CD58: variants seen among roughly 807,000 people sequenced by gnomAD.
The protein encoded by CD58 is lymphocyte function-associated antigen 3.
A neutral mutation model predicts 27.6 loss-of-function variants in CD58; 14 were observed. That is an observed-to-expected ratio of 0.51 (90% CI 0.34 to 0.79). CD58 has a LOEUF of 0.79. Among genes scored for constraint, CD58 ranks in the 30% least tolerant of loss-of-function variants. The probability of loss-of-function intolerance (pLI) is 0.02; values close to 1 mark genes in which losing one functional copy is unlikely to be tolerated. For missense variants in CD58, 268 were observed against 301.7 expected (o/e 0.89, Z 0.83); for synonymous variants, 117 against 103.8 (o/e 1.13, Z -0.77).
intron 1 of CD58, among the ~76,000 whole-genome samples, chr1:116,547,576 G>A (rs541574890): frequency 3.3e-5 from 5 of 151,860 alleles, no homozygotes; most frequent in Non-Finnish European, 5.9e-5. Context: ...TGATCTGCCC[G>A]CCTTGGCCTC....
chr1:116,521,483 C>A lies in CD58; in HGVS notation c.706+423G>T, dbSNP rs897693871. On this transcript the variant is annotated intron_variant, in intron 4 of 5. Coordinates refer to ENST00000369489, the MANE Select transcript of CD58 (RefSeq NM_001779.3). This position sits in a 1 kb window ranked among gnomAD's most constrained non-coding sequence, Gnocchi z 5.6. The stretch of plus-strand genomic sequence containing the variant: ...AATACAAGCACAATTACTTGTATTA[C>A]GTAAGTCACTTAACTCAACCAAAAC... Among the ~76,000 whole-genome samples the A allele has an allele frequency of 6.6e-6, 1 of 152,148 alleles. No homozygotes were observed. The highest frequency in any genetic ancestry group is 6.5e-5 in the Admixed American group (1 of 15,278).
Position 116,570,877 on chromosome 1 carries a change from G to T in CD58, c.70+26C>A. 6.5e-7 allele frequency: 1 copy of T among 1,534,488 alleles called. No homozygotes were observed. ...TGCCCAGTACCCGCCGGCCGGCGCGGGGCCCCTGGGGCAGGCTTCACTCAC... is the reference window on the plus strand; with the variant it reads ...TGCCCAGTACCCGCCGGCCGGCGCGTGGCCCCTGGGGCAGGCTTCACTCAC... On this transcript the variant is annotated intron_variant, in intron 1 of 5. Transcript: ENST00000369489. The surrounding 1 kb of genome is among the most constrained non-coding windows in gnomAD (Gnocchi z 6.4).
chr1:116,540,455 T>C (rs1657954512), intron 2 of CD58, among the ~76,000 whole-genome samples: 1 of 152,194 alleles, frequency 6.6e-6, no homozygotes, highest in African/African-American at 2.4e-5. Context: ...TGCAGACTCT[T>C]TCTTGGACCC....
At chr1:116,530,209 CTT>C (rs113109056) in intron 3 of CD58, among the ~76,000 whole-genome samples, 15 of 143,378 alleles carry the variant, frequency 1.0e-4, no homozygotes, top group Non-Finnish European at 1.4e-4. Flanking sequence ...TCTCCTCATT[CTT>C]TTTTTTTTTT....
Position 116,521,638 on chromosome 1 carries a change from GGTAAA to G in CD58, c.706+263_706+267del. On this transcript the variant is annotated intron_variant, in intron 4 of 5. Transcript: ENST00000369489. This position sits in a 1 kb window ranked among gnomAD's most constrained non-coding sequence, Gnocchi z 5.6. The stretch of plus-strand genomic sequence containing the variant: ...TAACTATATTTTGAAGCAGATCACA[GGTAAA>G]AGGAGGCTATGCAACAGGTCCAGGC... The G allele has an allele frequency of 3.3e-6, 1 of 305,828 alleles. No homozygotes were observed. The highest frequency in any genetic ancestry group is 6.2e-6 in the Non-Finnish European group (1 of 161,438). The allele number at this position is 305,828 out of a possible 1,614,324, so 18.9% of individuals were successfully genotyped here.
chr1:116,521,879 C>T lies in CD58; in HGVS notation c.706+27G>A. 8.3e-7 allele frequency: 1 copy of T among 1,208,568 alleles called. No homozygotes were observed. The highest frequency in any genetic ancestry group is 1.2e-6 in the Non-Finnish European group (1 of 823,434). The allele number at this position is 1,208,568 out of a possible 1,614,324, so 74.9% of individuals were successfully genotyped here. ...TTGGAAAACAATGCAAGTTTTCAAACTATTTTGTTTTAAAAAGCATACATA... is the reference window on the plus strand; with the variant it reads ...TTGGAAAACAATGCAAGTTTTCAAATTATTTTGTTTTAAAAAGCATACATA... On this transcript the variant is annotated intron_variant, in intron 4 of 5. Coordinates refer to ENST00000369489, the MANE Select transcript of CD58 (RefSeq NM_001779.3). This position sits in a 1 kb window ranked among gnomAD's most constrained non-coding sequence, Gnocchi z 5.6.
chr1:116,535,995 T>C lies in CD58; in HGVS notation c.598A>G (p.Ile200Val). The change falls in exon 3 of 6, where the codon ATC becomes GTC. Residue 200 changes from isoleucine (I) to valine (V), a missense_variant. Transcript: ENST00000369489. ...SNPLFNTTSS[I>V]ILTTCIPSSG... ...CTTGGGATACAGGTTGTCAAAATGA[T>C]TGATGATGTTGTATTAAATAATGGA... 6.2e-7 allele frequency: 1 copy of C among 1,611,424 alleles called. No individual in the cohort carries two copies. The highest frequency in any genetic ancestry group is 1.3e-5 in the African/African-American group (1 of 75,018).
chr1:116,564,260 T>G (rs1658860447), intron 1 of CD58, among the ~76,000 whole-genome samples: 1 of 152,220 alleles, frequency 6.6e-6, no homozygotes, highest in Non-Finnish European at 1.5e-5. Flanking sequence ...CATCTCCATC[T>G]GAGATGAGCA....
intron 3 of CD58, chr1:116,533,203 G>A (rs1453583290): frequency 2.6e-6 from 2 of 762,168 alleles, no homozygotes; most frequent in Non-Finnish European, 4.8e-6. Flanking sequence ...GATGCTTTCA[G>A]TGGATTGAAG....
chr1:116,565,701 T>A (rs1658906548), intron 1 of CD58, among the ~76,000 whole-genome samples: 1 of 151,040 alleles, frequency 6.6e-6, no homozygotes. Context: ...TCCAAATAAC[T>A]TTTTTTTGTT....
intron 4 of CD58, among the ~76,000 whole-genome samples, chr1:116,520,123 T>A (rs1477223281): frequency 6.6e-6 from 1 of 152,120 alleles, no homozygotes; most frequent in East Asian, 1.9e-4. Flanking sequence ...GCTTGCTGAG[T>A]TTTTTTGTTT....
Position 116,552,422 on chromosome 1 carries a change from CAG to C in CD58, c.71-7820_71-7819del, listed in dbSNP as rs1658423440. Among the ~76,000 whole-genome samples the C allele has an allele frequency of 6.6e-6, 1 of 152,118 alleles. No individual in the cohort carries two copies. The highest frequency in any genetic ancestry group is 1.9e-4 in the East Asian group (1 of 5,200). ...TATTGTGGGAATTACTAAAATGTAACAGAGAGACAAAACATAAAGTTAGGCAC... is the reference window on the plus strand; with the variant it reads ...TATTGTGGGAATTACTAAAATGTAACAGAGACAAAACATAAAGTTAGGCAC... On this transcript the variant is annotated intron_variant, in intron 1 of 5. Transcript: ENST00000369489. This position sits in a 1 kb window ranked among gnomAD's most constrained non-coding sequence, Gnocchi z 4.5.
intron 2 of CD58, among the ~76,000 whole-genome samples, chr1:116,539,455 G>A (rs1379027389): frequency 6.6e-6 from 1 of 152,036 alleles, no homozygotes; most frequent in Non-Finnish European, 1.5e-5. Flanking sequence ...GCTGTATCAG[G>A]TCACTGTAAA....
At chr1:116,560,027 C>T (rs1414273) in intron 1 of CD58, 42,240 of 153,698 alleles carry the variant, frequency 0.27, 8,226 homozygotes, top group East Asian at 0.59. Flanking sequence ...GTAGTAACTA[C>T]TAGGTTAGTG....
In CD58 at chr1:116,523,913, G is replaced by A. The variant is rs1478456655; in HGVS notation, c.629-1930C>T. On this transcript the variant is annotated intron_variant, in intron 3 of 5. Transcript: ENST00000369489. The surrounding 1 kb of genome is among the most constrained non-coding windows in gnomAD (Gnocchi z 4.4). ...CAAGCATTCTCTAGAGATGACCAGT[G>A]AGTTTTTAAATTTGTTTTTAGTACA... Among the ~76,000 whole-genome samples, 2 of 152,194 alleles carry A rather than the reference G, an allele frequency of 1.3e-5. No individual in the cohort carries two copies. Among genetic ancestry groups the A allele is most frequent in the Non-Finnish European group, 2.9e-5 (2 of 68,032 alleles).
intron 1 of CD58, among the ~76,000 whole-genome samples, chr1:116,554,061 A>G (rs1172385538): frequency 6.6e-6 from 1 of 152,212 alleles, no homozygotes; most frequent in Admixed American, 6.5e-5. Context: ...CATGCATACA[A>G]TTTATTTTTG....
intron 1 of CD58, among the ~76,000 whole-genome samples, chr1:116,567,600 T>C (rs1428407370): frequency 1.3e-5 from 2 of 152,170 alleles, no homozygotes; most frequent in Admixed American, 6.5e-5. Flanking sequence ...ATAGCACCCC[T>C]GTACTCCAGC....
chr1:116,544,198 C>T (rs1658078834), intron 2 of CD58, 113 bp downstream of exon 2: 1 of 704,868 alleles, frequency 1.4e-6, no homozygotes, highest in Admixed American at 3.0e-5. Flanking sequence ...ACCCTGACAA[C>T]AGGTAACATC....
At chr1:116,567,555 T>G (rs1261629881) in intron 1 of CD58, among the ~76,000 whole-genome samples, 2 of 152,124 alleles carry the variant, frequency 1.3e-5, no homozygotes, top group African/African-American at 4.8e-5. Context: ...GCAGAATTGC[T>G]TGAGCCTCAG....
Sources: gnomAD v4.1 joint callset for allele counts (sites outside exome capture counted in the v4.1 genomes callset) on GRCh38, gnomAD v4.1.1 for gene constraint, Gnocchi (gnomAD v3.1) non-coding constraint, MANE v1.5 for transcripts, NCBI Gene and HGNC (gene_info 2026-07-23, HGNC 2026-07-21) for gene names.